Variants in DYNC2I2 observed in about 807,000 individuals in gnomAD.
DYNC2I2 encodes dynein 2 intermediate chain 2.
Under a neutral mutation model 52.0 loss-of-function variants are expected in DYNC2I2, and 39 were observed. That is an observed-to-expected ratio of 0.75 (90% CI 0.58 to 0.98). The LOEUF (loss-of-function observed/expected upper bound fraction) is 0.98. Among genes scored for constraint, DYNC2I2 ranks in the 50% least tolerant of loss-of-function variants. DYNC2I2 has a pLI of 0.00. For missense variants in DYNC2I2, 743 were observed against 728.4 expected, an observed-to-expected ratio of 1.02 and a Z score of -0.23; for synonymous variants, 359 against 321.1, an observed-to-expected ratio of 1.12 and a Z score of -1.26.
chr9:128,669,543 C>G, the DYNC2I2 span, among the ~76,000 whole-genome samples: 3 of 151,996 alleles, frequency 2.0e-5, no homozygotes, highest in Admixed American at 6.6e-5. Context: ...ACTAAAAATA[C>G]AAAATTAGCC....
Position 128,656,788 on chromosome 9 carries a change from AT to A in DYNC2I2, c.-63del. On this transcript the variant is annotated 5_prime_UTR_variant, in exon 1 of 9. An upstream start codon of the reference 5' UTR is lost. Transcript: ENST00000372715. ...GCGCGACCTCCGCCCCTACGCCGCC[AT>A]GAGCGGAAAACGGGGAATGTGAGGC... is the stretch of plus-strand genomic sequence containing the variant. The A allele has an allele frequency of 7.6e-7, 1 of 1,308,516 alleles. No individual in the cohort carries two copies. Among genetic ancestry groups the A allele is most frequent in the Non-Finnish European group, 9.7e-7 (1 of 1,026,452 alleles). The allele number at this position is 1,308,516 out of a possible 1,614,324, so 81.1% of individuals were successfully genotyped here.
rs138036507 is a variant in DYNC2I2 at position 128,639,209 on chromosome 9, G to C, written c.435+1482C>G. Among the ~76,000 whole-genome samples, 408 of 152,158 alleles carry C rather than the reference G, an allele frequency of 2.7e-3. 10 individuals are homozygous for C. In the East Asian group the frequency reaches 0.04, roughly 15 times the overall value. On this transcript the variant is annotated intron_variant, in intron 2 of 8. Coordinates refer to ENST00000372715, the MANE Select transcript of DYNC2I2 (RefSeq NM_052844.4). ...GAGGTCAGGAATTCGAGACCAACCT[G>C]ACCAACATGGTGAAATCCATCTCTA... is the stretch of plus-strand genomic sequence containing the variant.
rs182490893 is a variant in DYNC2I2 at position 128,633,729 on chromosome 9, G to A, written c.*15C>T. ...CTCGGCACAGCGAAGGCTTGCACCCGCCTCCCGGGACCCCTCAGGCCGCCA... is the reference window on the plus strand; with the variant it reads ...CTCGGCACAGCGAAGGCTTGCACCCACCTCCCGGGACCCCTCAGGCCGCCA... On this transcript the variant is annotated 3_prime_UTR_variant, in exon 9 of 9. Transcript: ENST00000372715. 2,861 of 1,608,300 alleles carry A rather than the reference G, an allele frequency of 1.8e-3. 4 individuals are homozygous for A. The highest frequency in any genetic ancestry group is 2.3e-3 in the Non-Finnish European group (2,698 of 1,178,180).
chr9:128,653,279 T>C (rs919968250), intron 1 of DYNC2I2, among the ~76,000 whole-genome samples: 5 of 150,250 alleles, frequency 3.3e-5, no homozygotes, highest in Non-Finnish European at 7.4e-5. Context: ...TGGCTCAGGC[T>C]TGTAATATCT....
the DYNC2I2 span, among the ~76,000 whole-genome samples, chr9:128,675,754 A>G: frequency 6.6e-6 from 1 of 152,136 alleles, no homozygotes; most frequent in Non-Finnish European, 1.5e-5. Context: ...GAGCCTGTCA[A>G]CTTTTGGGTG....
chr9:128,656,856 G>T, upstream of DYNC2I2: 3 of 930,676 alleles, frequency 3.2e-6, no homozygotes, highest in Non-Finnish European at 4.4e-6. Context: ...CCTCCTGCAA[G>T]ACCTGGAAGA....
the DYNC2I2 span, among the ~76,000 whole-genome samples, chr9:128,679,721 A>T: frequency 2.0e-5 from 3 of 149,912 alleles, no homozygotes; most frequent in Non-Finnish European, 4.4e-5. Flanking sequence ...ATCTCAGCTC[A>T]CTGAGGCCTC....
At chr9:128,634,203 C>T (rs1276046381) in intron 8 of DYNC2I2, 23 bp downstream of exon 8, 1 of 1,612,896 alleles carries the variant, frequency 6.2e-7, no homozygotes, top group Non-Finnish European at 8.5e-7. Flanking sequence ...TAAACAGATC[C>T]AGGCCTAGCG....
At chr9:128,681,247 C>T in the DYNC2I2 span, among the ~76,000 whole-genome samples, 4 of 152,038 alleles carry the variant, frequency 2.6e-5, no homozygotes, top group African/African-American at 4.8e-5. Context: ...CGTGCCACCA[C>T]TCCAGGTTAA....
chr9:128,634,721 G>A lies in DYNC2I2; in HGVS notation c.1182C>T (p.Pro394=), dbSNP rs962171132. 3 of 1,588,482 alleles carry A rather than the reference G, an allele frequency of 1.9e-6. No homozygotes were observed. ...AGGGGGAACAGCTCACAGAGTAGATGGGACCGCCGTGGGGGGAGAAGGTAA... is the reference window on the plus strand; with the variant it reads ...AGGGGGAACAGCTCACAGAGTAGATAGGACCGCCGTGGGGGGAGAAGGTAA... ...AQFTFSPHGG[P]IYSVSCSPFH... Residue 394 remains proline (P), a synonymous_variant, in exon 7 of 9, where the codon CCC becomes CCT. Transcript: ENST00000372715.
In DYNC2I2 at chr9:128,640,759, G is replaced by C; in HGVS notation, c.367C>G (p.Leu123Val). The C allele has an allele frequency of 1.2e-6, 2 of 1,614,194 alleles. No homozygotes were observed. Among genetic ancestry groups the C allele is most frequent in the Non-Finnish European group, 1.7e-6 (2 of 1,180,042 alleles). ...GCGTGGCTCTGCCAATTCTTGTTCAGCTCTCGGATGACCATGGCCTCCACT... is the reference window on the plus strand; with the variant it reads ...GCGTGGCTCTGCCAATTCTTGTTCACCTCTCGGATGACCATGGCCTCCACT... ...RRVEAMVIRELNKNWQSHAFD... is the reference protein window; with the variant it reads ...RRVEAMVIREVNKNWQSHAFD... The change falls in exon 2 of 9, where the codon CTG becomes GTG. Residue 123 changes from leucine (L) to valine (V), a missense_variant. Physicochemically the swap from Leu to Val is conservative, Grantham distance 32 (BLOSUM62 1). Transcript: ENST00000372715.
At chr9:128,666,965 C>G in the DYNC2I2 span, among the ~76,000 whole-genome samples, 3 of 151,702 alleles carry the variant, frequency 2.0e-5, no homozygotes, top group Non-Finnish European at 2.9e-5. Context: ...CTTTGGGAAG[C>G]AGAGGGGGGT....
chr9:128,668,313 G>C, the DYNC2I2 span, among the ~76,000 whole-genome samples: 2 of 140,810 alleles, frequency 1.4e-5, no homozygotes, highest in Non-Finnish European at 3.3e-5. Flanking sequence ...AGAGTGCTGG[G>C]ATTACAGGCA....
the DYNC2I2 span, among the ~76,000 whole-genome samples, chr9:128,671,523 G>C: frequency 3.4e-5 from 5 of 148,894 alleles, no homozygotes; most frequent in South Asian, 1.1e-3. Context: ...CTCCAGGCTG[G>C]AGGGCAGTGG....
chr9:128,641,145 G>A (rs1213456451), intron 1 of DYNC2I2, among the ~76,000 whole-genome samples: 1 of 152,014 alleles, frequency 6.6e-6, no homozygotes, highest in African/African-American at 2.4e-5. Flanking sequence ...TCAGAGCACC[G>A]TGTCCCTACC....
At chr9:128,634,107 G>A in intron 8 of DYNC2I2, 119 bp downstream of exon 8, 1 of 1,554,660 alleles carries the variant, frequency 6.4e-7, no homozygotes, top group Non-Finnish European at 8.8e-7. Flanking sequence ...TTGGGTTGCT[G>A]GAGGGAAGCC....
At chr9:128,668,166 G>A in the DYNC2I2 span, among the ~76,000 whole-genome samples, 6,405 of 151,688 alleles carry the variant, frequency 0.042, 174 homozygotes, top group Non-Finnish European at 0.052. Flanking sequence ...TCATCATGTT[G>A]GCCAGGATGG....
rs1240843143 is a variant in DYNC2I2 at position 128,634,236 on chromosome 9, G to A, written c.1362C>T (p.Ala454=). The A allele has an allele frequency of 2.5e-6, 4 of 1,613,706 alleles. No homozygotes were observed. Among genetic ancestry groups the A allele is most frequent in the East Asian group, 2.2e-5 (1 of 44,876 alleles). ...GCGGCCCCTTCCTACCTTTCCCAGA[G>A]GCAGCTGCAAAAACCAAGGGCCGCA... ...SPVRPLVFAA[A]SGKGDVQLFD... is the part of the protein sequence containing the mutation. The change falls in exon 8 of 9, where the codon GCC becomes GCT. Residue 454 remains alanine, a synonymous_variant. Transcript: ENST00000372715.
At chr9:128,655,926 G>C (rs1158302115) in intron 1 of DYNC2I2, among the ~76,000 whole-genome samples, 1 of 95,056 alleles carries the variant, frequency 1.1e-5, no homozygotes, top group Non-Finnish European at 2.1e-5. Flanking sequence ...AAAAAAAAAA[G>C]CCTGAACGCG....
Sources: gnomAD v4.1 joint callset for allele counts (sites outside exome capture counted in the v4.1 genomes callset) on GRCh38, gnomAD v4.1.1 for gene constraint, MANE v1.5 for transcripts, NCBI Gene and HGNC (gene_info 2026-07-23, HGNC 2026-07-21) for gene names.